Variants in TMEM117 observed in about 807,000 individuals in gnomAD.
The protein encoded by TMEM117 is transmembrane protein 117.
A neutral mutation model predicts 52.4 loss-of-function variants in TMEM117; 27 were observed. The observed-to-expected ratio is 0.51, with a 90% CI of 0.38 to 0.71. The LOEUF (loss-of-function observed/expected upper bound fraction) is 0.71. TMEM117 is among the 30% of genes least tolerant of loss of function. The pLI, the probability that TMEM117 is intolerant of heterozygous loss-of-function variation, is 0.00. For missense variants in TMEM117, 556 were observed against 630.5 expected, an observed-to-expected ratio of 0.88 and a Z score of 1.26; for synonymous variants, 215 against 206.3, an observed-to-expected ratio of 1.04 and a Z score of -0.36.
intron 5 of TMEM117, among the ~76,000 whole-genome samples, 176 bp from the exon 6 acceptor site, chr12:44,299,404 A>G (rs1032901169): frequency 4.6e-5 from 7 of 152,182 alleles, no homozygotes; most frequent in Non-Finnish European, 5.9e-5. Context: ...AAGTTCTGGG[A>G]CTACAGGCAT....
intron 3 of TMEM117, among the ~76,000 whole-genome samples, chr12:44,120,838 C>T (rs1948221827): frequency 6.6e-6 from 1 of 152,116 alleles, no homozygotes; most frequent in South Asian, 2.1e-4. Flanking sequence ...TTCCCCATCC[C>T]CTTCATCTGT....
intron 2 of TMEM117, among the ~76,000 whole-genome samples, chr12:43,942,306 T>C (rs1311702676): frequency 6.6e-6 from 1 of 152,228 alleles, no homozygotes; most frequent in Non-Finnish European, 1.5e-5. Flanking sequence ...ATATTCTTTA[T>C]AGTGTAAAAT....
chr12:44,206,069 A>G (rs1325400321), intron 4 of TMEM117, among the ~76,000 whole-genome samples: 2 of 152,224 alleles, frequency 1.3e-5, no homozygotes, highest in Non-Finnish European at 1.5e-5. Context: ...ATTTATTGAC[A>G]GCAAGCCAAT....
chr12:44,246,451 C>T (rs188881453), intron 5 of TMEM117, among the ~76,000 whole-genome samples: 14 of 152,048 alleles, frequency 9.2e-5, no homozygotes, highest in East Asian at 3.8e-4. Flanking sequence ...ATGTATTTTT[C>T]GCTGCTTTTT....
intron 6 of TMEM117, among the ~76,000 whole-genome samples, chr12:44,318,840 T>C (rs954717350): frequency 6.6e-6 from 1 of 151,990 alleles, no homozygotes; most frequent in Middle Eastern, 3.2e-3. Flanking sequence ...CAAATTCATG[T>C]AAGTGGGTGC....
At chr12:44,233,811 A>G (rs1949961474) in intron 5 of TMEM117, among the ~76,000 whole-genome samples, 1 of 151,434 alleles carries the variant, frequency 6.6e-6, no homozygotes, top group Admixed American at 6.6e-5. Context: ...AAATTCTATT[A>G]GGTGAATATA....
chr12:43,805,670 C>G, the TMEM117 span: 4 of 700,128 alleles, frequency 5.7e-6, no homozygotes, highest in Admixed American at 9.4e-5. Flanking sequence ...CGCTTACACT[C>G]GAGATTTCTC....
intron 3 of TMEM117, among the ~76,000 whole-genome samples, chr12:44,031,690 G>T (rs1417033880): frequency 6.6e-6 from 1 of 152,176 alleles, no homozygotes; most frequent in African/African-American, 2.4e-5. Context: ...ATTGAGTAAA[G>T]TATACTCAAG....
chr12:43,904,896 C>T (rs1427186925), intron 2 of TMEM117, among the ~76,000 whole-genome samples: 4 of 152,224 alleles, frequency 2.6e-5, no homozygotes, highest in African/African-American at 4.8e-5. Flanking sequence ...GTAATCCCAG[C>T]ACTTTGGGAG....
chr12:44,310,638 C>G (rs570212634), intron 6 of TMEM117, among the ~76,000 whole-genome samples: 9 of 152,218 alleles, frequency 5.9e-5, no homozygotes, highest in Non-Finnish European at 1.3e-4. Context: ...AACTCCGTCT[C>G]TCACAAGCAC....
intron 5 of TMEM117, among the ~76,000 whole-genome samples, chr12:44,227,325 A>C (rs1460134144): frequency 6.6e-6 from 1 of 152,124 alleles, no homozygotes; most frequent in African/African-American, 2.4e-5. Flanking sequence ...TTAGCCAGGC[A>C]TGGTGGCATG....
At position 44,318,046 on chromosome 12, in the gene TMEM117, C is replaced by G. The variant is rs1275553971; in HGVS notation, c.768+18307C>G. ...AAGTTCTCTGCATGGGGAGGGGTGA[C>G]GGCCCGAACTCCTAATCCAGTAGAG... is the stretch of plus-strand genomic sequence containing the variant. On this transcript the variant is annotated intron_variant, in intron 6 of 7. Transcript: ENST00000266534. 5.3e-5 allele frequency among the ~76,000 whole-genome samples: 8 copies of G among 152,266 alleles called. No homozygotes were observed. In the East Asian group the frequency reaches 1.5e-3, roughly 29 times the overall value.
At chr12:43,969,345 C>T (rs1349852035) in intron 3 of TMEM117, among the ~76,000 whole-genome samples, 1 of 91,302 alleles carries the variant, frequency 1.1e-5, no homozygotes, top group African/African-American at 6.2e-5. Context: ...ATGGTGAAAC[C>T]CCGTCTCTAC....
intron 3 of TMEM117, among the ~76,000 whole-genome samples, chr12:44,023,612 A>G (rs996383039): frequency 8.6e-5 from 13 of 152,030 alleles, no homozygotes; most frequent in Non-Finnish European, 2.9e-5. Context: ...TGTTGGCTGC[A>G]TAAATGTCTT....
At chr12:44,067,551 T>C (rs1947240232) in intron 3 of TMEM117, among the ~76,000 whole-genome samples, 1 of 152,334 alleles carries the variant, frequency 6.6e-6, no homozygotes, top group African/African-American at 2.4e-5. Context: ...AAGATTGTCA[T>C]TGTCAATGAC....
chr12:43,799,442 G>A, the TMEM117 span: 2 of 1,610,462 alleles, frequency 1.2e-6, no homozygotes, highest in Non-Finnish European at 1.7e-6. Context: ...GCTGCAGTCA[G>A]TGGGGCAGGG....
chr12:44,016,270 C>T (rs183041349), intron 3 of TMEM117, among the ~76,000 whole-genome samples: 35 of 152,290 alleles, frequency 2.3e-4, no homozygotes, highest in Admixed American at 2.6e-4. Context: ...AGATATCCAG[C>T]CAGTCCCAGC....
chr12:43,862,790 A>G (rs1565723647), intron 2 of TMEM117, among the ~76,000 whole-genome samples: 1 of 152,196 alleles, frequency 6.6e-6, no homozygotes, highest in Non-Finnish European at 1.5e-5. Flanking sequence ...GAAGAAGTGC[A>G]TTCAAACTGA....
At chr12:43,841,215 G>C (rs1038735141) in intron 1 of TMEM117, among the ~76,000 whole-genome samples, 41 of 152,186 alleles carry the variant, frequency 2.7e-4, no homozygotes, top group Admixed American at 2.4e-3. Context: ...GAAATTGTTA[G>C]TGGAAATAAA....
Sources: allele counts gnomAD v4.1 joint callset (sites outside exome capture counted in the v4.1 genomes callset), GRCh38; gene constraint gnomAD v4.1.1; transcripts MANE v1.5; gene names NCBI Gene and HGNC (gene_info 2026-07-23, HGNC 2026-07-21).